Variants in DNAJC6 observed in about 807,000 individuals in gnomAD.
The protein encoded by DNAJC6 is auxilin.
Under a neutral mutation model 110.0 loss-of-function variants are expected in DNAJC6, and 34 were observed. The observed-to-expected ratio is 0.31, with a 90% CI of 0.24 to 0.41. The LOEUF (loss-of-function observed/expected upper bound fraction) is 0.41. Ranked by LOEUF, DNAJC6 falls within the 10% of genes least tolerant of loss-of-function variation. The pLI, the probability that DNAJC6 is intolerant of heterozygous loss-of-function variation, is 1.00. For missense variants in DNAJC6, 1,031 were observed against 1,207.8 expected, an observed-to-expected ratio of 0.85 and a Z score of 2.17; for synonymous variants, 406 against 437.2, an observed-to-expected ratio of 0.93 and a Z score of 0.89.
At chr1:65,337,471 T>C (rs1047769637) in intron 1 of DNAJC6, among the ~76,000 whole-genome samples, 1 of 152,034 alleles carries the variant, frequency 6.6e-6, no homozygotes, top group African/African-American at 2.4e-5. Context: ...TCTCTGAGGG[T>C]GACTTATGAA....
rs1553147125 is a variant in DNAJC6, at chr1:65,392,833, C to T, written c.1871C>T (p.Thr624Ile). The change falls in exon 12 of 19, where the codon ACC becomes ATC. Residue 624 changes from threonine to isoleucine, a missense_variant. Physicochemically the swap from Thr to Ile is moderately conservative, Grantham distance 89. Coordinates refer to ENST00000371069, the MANE Select transcript of DNAJC6 (RefSeq NM_001256864.2). ...ACACCACGCCGCTCTGCCACCTCCA[C>T]CTCTGCGTCTCCAACCCTAAGAGTG... The part of the protein sequence containing the change: ...QSTPRRSATS[T>I]SASPTLRVGE... The T allele has an allele frequency of 1.3e-6, 2 of 1,542,942 alleles. No individual in the cohort carries two copies. Among genetic ancestry groups the T allele is most frequent in the South Asian group, 1.3e-5 (1 of 78,052 alleles).
intron 1 of DNAJC6, among the ~76,000 whole-genome samples, chr1:65,303,698 A>G (rs1052615743): frequency 1.3e-5 from 2 of 152,150 alleles, no homozygotes; most frequent in Non-Finnish European, 2.9e-5. Flanking sequence ...AGCTGGAGCT[A>G]CAGGCACGTG....
intron 1 of DNAJC6, among the ~76,000 whole-genome samples, chr1:65,359,706 A>G (rs1645580127): frequency 6.6e-6 from 1 of 152,218 alleles, no homozygotes; most frequent in Admixed American, 6.5e-5. Context: ...TAACCATCTG[A>G]TGCAAGGGTT....
chr1:65,277,578 T>G (rs1335169721), intron 1 of DNAJC6, among the ~76,000 whole-genome samples: 1 of 152,148 alleles, frequency 6.6e-6, no homozygotes, highest in Non-Finnish European at 1.5e-5. Flanking sequence ...GGCTTCTGCC[T>G]TTAAGGGTAC....
At chr1:65,355,169 G>A (rs989415738) in intron 1 of DNAJC6, among the ~76,000 whole-genome samples, 4 of 151,106 alleles carry the variant, frequency 2.6e-5, no homozygotes, top group Non-Finnish European at 4.4e-5. Flanking sequence ...AGGTGGAGTT[G>A]GGAGGATCGC....
At chr1:65,357,269 A>G (rs1645552563) in intron 1 of DNAJC6, among the ~76,000 whole-genome samples, 1 of 152,194 alleles carries the variant, frequency 6.6e-6, no homozygotes, top group Non-Finnish European at 1.5e-5. Flanking sequence ...TGAATATGAC[A>G]TGATTCTAAT....
At chr1:65,372,438 G>A (rs1164616229) in intron 4 of DNAJC6, among the ~76,000 whole-genome samples, 3 of 152,084 alleles carry the variant, frequency 2.0e-5, no homozygotes, top group African/African-American at 7.2e-5. Flanking sequence ...CACATGCACA[G>A]TGGACACTGG....
At chr1:65,265,692 C>A (rs1361609412) in intron 1 of DNAJC6, among the ~76,000 whole-genome samples, 3 of 152,238 alleles carry the variant, frequency 2.0e-5, no homozygotes, top group Admixed American at 1.3e-4. Flanking sequence ...AAATATTCTG[C>A]CGCAGTTGGG....
chr1:65,334,301 T>A (rs1014803711), intron 1 of DNAJC6, among the ~76,000 whole-genome samples: 1 of 152,340 alleles, frequency 6.6e-6, no homozygotes, highest in Non-Finnish European at 1.5e-5. Flanking sequence ...TTTCTTGAGA[T>A]AAAGCACAGA....
intron 1 of DNAJC6, among the ~76,000 whole-genome samples, chr1:65,354,468 T>C (rs1319544361): frequency 6.6e-6 from 1 of 152,210 alleles, no homozygotes; most frequent in African/African-American, 2.4e-5. Context: ...GTTTAGTAGA[T>C]GGCCTTTGTA....
intron 1 of DNAJC6, among the ~76,000 whole-genome samples, chr1:65,318,881 A>G (rs1645171707): frequency 6.6e-6 from 1 of 152,186 alleles, no homozygotes; most frequent in Non-Finnish European, 1.5e-5. Flanking sequence ...AAAAAAAGGA[A>G]AAGAAAACAC....
At chr1:65,400,738 A>G (rs2101627378) in intron 14 of DNAJC6, among the ~76,000 whole-genome samples, 1 of 152,258 alleles carries the variant, frequency 6.6e-6, no homozygotes, top group East Asian at 1.9e-4. Context: ...CCATTAATGG[A>G]CACTTAGGTT....
intron 1 of DNAJC6, among the ~76,000 whole-genome samples, chr1:65,322,511 A>G (rs1221284013): frequency 6.6e-6 from 1 of 152,134 alleles, no homozygotes; most frequent in East Asian, 1.9e-4. Flanking sequence ...TATTTTCTCT[A>G]ACGATTGTTT....
intron 16 of DNAJC6, among the ~76,000 whole-genome samples, chr1:65,406,958 T>C (rs1458066035): frequency 1.3e-5 from 2 of 152,328 alleles, no homozygotes; most frequent in East Asian, 3.9e-4. Context: ...GAGTCCTTAC[T>C]GTATGGCAGG....
At chr1:65,399,435 T>G (rs963739462) in intron 14 of DNAJC6, among the ~76,000 whole-genome samples, 1 of 152,182 alleles carries the variant, frequency 6.6e-6, no homozygotes, top group African/African-American at 2.4e-5. Context: ...CTCCTGACAT[T>G]GAGCAAGTTA....
At chr1:65,382,438 GA>G (rs1415753252) in intron 5 of DNAJC6, among the ~76,000 whole-genome samples, 1 of 152,164 alleles carries the variant, frequency 6.6e-6, no homozygotes, top group African/African-American at 2.4e-5. Context: ...TGAAGATGTG[GA>G]AATTCAGCTT....
chr1:65,335,268 C>T (rs1036823290), intron 1 of DNAJC6, among the ~76,000 whole-genome samples: 7 of 125,128 alleles, frequency 5.6e-5, no homozygotes, highest in African/African-American at 2.0e-4. Context: ...CCACCCACGC[C>T]CAGCTAATTT....
chr1:65,270,294 A>G (rs888819050), intron 1 of DNAJC6, among the ~76,000 whole-genome samples: 3 of 152,038 alleles, frequency 2.0e-5, no homozygotes, highest in Non-Finnish European at 2.9e-5. Context: ...ACGTATATGT[A>G]TATATATATA....
At chr1:65,276,106 T>G (rs1461936001) in intron 1 of DNAJC6, among the ~76,000 whole-genome samples, 1 of 152,326 alleles carries the variant, frequency 6.6e-6, no homozygotes, top group East Asian at 1.9e-4. Context: ...GGTCTTGAAC[T>G]CCTGGCCTGA....
Sources: gnomAD v4.1 joint callset for allele counts (sites outside exome capture counted in the v4.1 genomes callset) on GRCh38, gnomAD v4.1.1 for gene constraint, MANE v1.5 for transcripts, NCBI Gene and HGNC (gene_info 2026-07-23, HGNC 2026-07-21) for gene names.